Variants in CNTN4 observed in about 807,000 individuals in gnomAD.
CNTN4 encodes the protein contactin 4, also known as contactin-4.
In CNTN4, 77 loss-of-function variants were observed where a neutral mutation model predicts 122.5. The observed-to-expected ratio is 0.63, with a 90% confidence interval of 0.52 to 0.76. The LOEUF is 0.76. Ranked by LOEUF, CNTN4 falls within the 30% of genes least tolerant of loss-of-function variation. The pLI, the probability that CNTN4 is intolerant of heterozygous loss-of-function variation, is 0.00. For missense variants in CNTN4, 1,256 were observed against 1,259.1 expected, an observed-to-expected ratio of 1.00 and a Z score of 0.04; for synonymous variants, 512 against 447.0, an observed-to-expected ratio of 1.15 and a Z score of -1.83.
intron 13 of CNTN4, among the ~76,000 whole-genome samples, chr3:2,981,672 A>G (rs1441202574): frequency 6.6e-6 from 1 of 152,228 alleles, no homozygotes; most frequent in African/African-American, 2.4e-5. Context: ...TTGCATTTCA[A>G]ATTTTTCCTT....
chr3:2,883,620 A>G (rs754168624), intron 9 of CNTN4, among the ~76,000 whole-genome samples: 2 of 152,180 alleles, frequency 1.3e-5, no homozygotes, highest in Admixed American at 6.5e-5. Context: ...ACGGACTTTC[A>G]TTTTGGCCCC....
intron 13 of CNTN4, among the ~76,000 whole-genome samples, chr3:2,970,913 G>A (rs571096368): frequency 2.0e-5 from 3 of 151,806 alleles, no homozygotes; most frequent in South Asian, 4.2e-4. Flanking sequence ...TCAGCCCCCC[G>A]AGTAGCTGAG....
chr3:2,284,347 T>G (rs556323981), intron 2 of CNTN4, among the ~76,000 whole-genome samples: 12 of 152,262 alleles, frequency 7.9e-5, no homozygotes, highest in South Asian at 2.1e-4. Flanking sequence ...TTTAGGCCAA[T>G]CTATAGTATA....
At chr3:3,031,478 G>C (rs772890720) in intron 16 of CNTN4, among the ~76,000 whole-genome samples, 1 of 152,066 alleles carries the variant, frequency 6.6e-6, no homozygotes, top group Non-Finnish European at 1.5e-5. Flanking sequence ...GACACTTCCT[G>C]ACTGCCTGGG....
intron 3 of CNTN4, among the ~76,000 whole-genome samples, chr3:2,449,807 C>A (rs1385390888): frequency 1.3e-5 from 2 of 151,132 alleles, no homozygotes; most frequent in Non-Finnish European, 2.9e-5. Flanking sequence ...CATGGATGAA[C>A]TTGGAGGACA....
intron 6 of CNTN4, among the ~76,000 whole-genome samples, chr3:2,771,584 A>G (rs1350553600): frequency 6.6e-6 from 1 of 152,250 alleles, no homozygotes; most frequent in African/African-American, 2.4e-5. Flanking sequence ...ACCAATTGAG[A>G]CAAAGTATGT....
intron 6 of CNTN4, among the ~76,000 whole-genome samples, chr3:2,761,548 G>A (rs1428151969): frequency 6.6e-6 from 1 of 151,790 alleles, no homozygotes; most frequent in Non-Finnish European, 1.5e-5. Flanking sequence ...TATCTCTTTT[G>A]TCTGTGAGTA....
chr3:2,753,965 G>C (rs1576666578), intron 6 of CNTN4, among the ~76,000 whole-genome samples: 1 of 152,246 alleles, frequency 6.6e-6, no homozygotes, highest in Non-Finnish European at 1.5e-5. Flanking sequence ...TGCTCTAAAA[G>C]TTAAGATGCA....
At position 2,446,147 on chromosome 3, in the gene CNTN4, A is replaced by G. The variant is rs549334551; in HGVS notation, c.-89+106914A>G. 8.5e-5 allele frequency among the ~76,000 whole-genome samples: 13 copies of G among 152,306 alleles called. No individual in the cohort carries two copies. The East Asian group carries it at 2.1e-3, about 25-fold the overall frequency. ...TTTGCTCAGAGATACAAATTTCAAA[A>G]TTCCCCTTAACCTTGGAGAGACCCT... On this transcript the variant is annotated intron_variant, in intron 3 of 24. Transcript: ENST00000418658.
chr3:2,401,125 T>G (rs751125973), intron 3 of CNTN4, among the ~76,000 whole-genome samples: 8 of 152,174 alleles, frequency 5.3e-5, no homozygotes, highest in Non-Finnish European at 1.2e-4. Context: ...TTTTCCAAAT[T>G]TGACAAAATT....
chr3:2,444,753 G>T (rs972689023), intron 3 of CNTN4, among the ~76,000 whole-genome samples: 3 of 151,994 alleles, frequency 2.0e-5, no homozygotes, highest in Admixed American at 2.0e-4. Flanking sequence ...CTGGCTGGCT[G>T]GCTGGCTGGT....
intron 3 of CNTN4, among the ~76,000 whole-genome samples, chr3:2,465,920 A>C (rs758621455): frequency 6.6e-6 from 1 of 152,194 alleles, no homozygotes; most frequent in Non-Finnish European, 1.5e-5. Flanking sequence ...TGTGCAATTC[A>C]TAATTGGAAG....
chr3:2,108,815 A>G (rs892863691), intron 2 of CNTN4, among the ~76,000 whole-genome samples: 7 of 152,238 alleles, frequency 4.6e-5, no homozygotes, highest in African/African-American at 1.4e-4. Flanking sequence ...TATGTAGAGT[A>G]CTACATGCAA....
intron 4 of CNTN4, among the ~76,000 whole-genome samples, chr3:2,629,992 C>T (rs939615590): frequency 2.6e-5 from 4 of 152,166 alleles, no homozygotes; most frequent in African/African-American, 7.2e-5. Context: ...AAAGTAGGAC[C>T]CTGAGCCGAA....
intron 3 of CNTN4, among the ~76,000 whole-genome samples, chr3:2,395,509 G>C (rs35669246): frequency 6.6e-6 from 1 of 151,996 alleles, no homozygotes; most frequent in Non-Finnish European, 1.5e-5. Context: ...GGAATATTTC[G>C]TGATGCTGAG....
At chr3:2,223,239 T>C (rs1202580319) in intron 2 of CNTN4, among the ~76,000 whole-genome samples, 1 of 152,186 alleles carries the variant, frequency 6.6e-6, no homozygotes, top group East Asian at 1.9e-4. Flanking sequence ...AATTTTACAC[T>C]GTTCCGTCCA....
rs557909014 is a variant in CNTN4 at position 2,871,358 on chromosome 3, G to C, written c.652+4409G>C. On this transcript the variant is annotated intron_variant, in intron 8 of 24. Transcript: ENST00000418658. ...TATTTTTAAAAGACAGATTACTATA[G>C]TGTATAGATCATATTATTCTTCTTT... 1.4e-4 allele frequency among the ~76,000 whole-genome samples: 22 copies of C among 152,246 alleles called. No individual in the cohort carries two copies. In the South Asian group the frequency reaches 4.6e-3, roughly 32 times the overall value.
intron 12 of CNTN4, among the ~76,000 whole-genome samples, chr3:2,917,169 C>T (rs551847819): frequency 2.1e-4 from 32 of 149,812 alleles, no homozygotes; most frequent in Middle Eastern, 3.4e-3. Context: ...GGCGTGGCGG[C>T]GCGCGCCTGC....
chr3:2,133,883 T>G (rs2034564685), intron 2 of CNTN4, among the ~76,000 whole-genome samples: 1 of 152,210 alleles, frequency 6.6e-6, no homozygotes, highest in Admixed American at 6.6e-5. Context: ...CAGAATTAGA[T>G]TTAAAGCTCT....
Sources: gnomAD v4.1 joint callset for allele counts (sites outside exome capture counted in the v4.1 genomes callset) on GRCh38, gnomAD v4.1.1 for gene constraint, MANE v1.5 for transcripts, NCBI Gene and HGNC (gene_info 2026-07-23, HGNC 2026-07-21) for gene names.